Variants in TM9SF2 observed in about 807,000 individuals in gnomAD.
TM9SF2 encodes 76 kDa membrane protein.
TM9SF2 carries 13 observed loss-of-function variants against 84.9 expected under a neutral mutation model. The observed-to-expected ratio is 0.15, with a 90% CI of 0.10 to 0.24. The LOEUF is 0.24. Among genes scored for constraint, TM9SF2 ranks in the 10% least tolerant of loss-of-function variants. The pLI is 1.00. For missense variants in TM9SF2, 562 were observed against 818.5 expected, an observed-to-expected ratio of 0.69 and a Z score of 3.82; for synonymous variants, 273 against 285.8, an observed-to-expected ratio of 0.96 and a Z score of 0.45.
intron 5 of TM9SF2, among the ~76,000 whole-genome samples, chr13:99,537,407 G>A (rs1482982534): frequency 2.0e-5 from 3 of 152,088 alleles, no homozygotes; most frequent in African/African-American, 4.8e-5. Context: ...CAGGAAAAGT[G>A]TTTAAATGTA....
rs557574535 is a variant in TM9SF2 at position 99,530,921 on chromosome 13, C to T, written c.461+1327C>T. 1.2e-4 allele frequency among the ~76,000 whole-genome samples: 18 copies of T among 151,120 alleles called. No homozygotes were observed. In the South Asian group the frequency reaches 1.9e-3, roughly 16 times the overall value. ...TGTTCCCCAGACTGGAGTGCTGTGG[C>T]GTGATCTCGGCTCACTGCAACCTCC... On this transcript the variant is annotated intron_variant, in intron 4 of 16. Transcript: ENST00000376387.
chr13:99,514,156 T>A (rs915289744), intron 1 of TM9SF2: 1 of 152,210 alleles, frequency 6.6e-6, no homozygotes, highest in African/African-American at 2.4e-5. Context: ...TCATAGCCAT[T>A]GTAACATCAC....
At chr13:99,540,536 T>A (rs111630514) in intron 7 of TM9SF2, 178 bp from the exon 8 acceptor site, 12 of 386,566 alleles carry the variant, frequency 3.1e-5, no homozygotes, top group African/African-American at 1.4e-4. Context: ...TTACTCTGAT[T>A]TCCCCTAGAC....
intron 3 of TM9SF2, among the ~76,000 whole-genome samples, chr13:99,522,009 C>T (rs571016233): frequency 6.6e-6 from 1 of 152,186 alleles, no homozygotes; most frequent in South Asian, 2.1e-4. Context: ...CGCCGTCTGA[C>T]GCCTTTCAAA....
Position 99,541,550 on chromosome 13 carries a change from T to C in TM9SF2, c.909-9T>C, listed in dbSNP as rs369530244. On this transcript the variant is annotated splice_polypyrimidine_tract_variant and intron_variant, in intron 8 of 16. Transcript: ENST00000376387. ...CTACAGATTACTCATGATGTGCTTA[T>C]TTCTACAGCATTATGAATTCCCTGG... 7 of 1,597,738 alleles carry C rather than the reference T, an allele frequency of 4.4e-6. No individual in the cohort carries two copies. In the African/African-American group the frequency reaches 9.4e-5, roughly 21 times the overall value.
At chr13:99,519,183 A>C (rs886521779) in intron 2 of TM9SF2, among the ~76,000 whole-genome samples, 5 of 152,150 alleles carry the variant, frequency 3.3e-5, no homozygotes, top group Non-Finnish European at 7.4e-5. Context: ...TGGATACTTA[A>C]ATTTTTTTCC....
intron 4 of TM9SF2, among the ~76,000 whole-genome samples, chr13:99,532,314 T>G (rs571310697): frequency 3.9e-5 from 6 of 152,178 alleles, no homozygotes; most frequent in African/African-American, 1.4e-4. Context: ...CCTCCCAAAG[T>G]GCTGGGATTA....
At chr13:99,549,454 T>C (rs2046296840) in intron 12 of TM9SF2, among the ~76,000 whole-genome samples, 1 of 152,228 alleles carries the variant, frequency 6.6e-6, no homozygotes, top group Non-Finnish European at 1.5e-5. Flanking sequence ...ATTCCTTCTC[T>C]TCAAAGTCTT....
chr13:99,537,640 C>A, intron 5 of TM9SF2, 99 bp from the exon 6 acceptor site: 1 of 977,518 alleles, frequency 1.0e-6, no homozygotes, highest in Non-Finnish European at 1.5e-6. Flanking sequence ...TCCATTCAAA[C>A]TTAAATTTTC....
At chr13:99,529,615 A>G (rs1470693732) in intron 4 of TM9SF2, 21 bp downstream of exon 4, 1 of 1,522,114 alleles carries the variant, frequency 6.6e-7, no homozygotes, top group Non-Finnish European at 8.8e-7. Context: ...AATATTTTCG[A>G]TTTTGGGGTT....
intron 15 of TM9SF2, among the ~76,000 whole-genome samples, chr13:99,556,916 A>G (rs1480022867): frequency 6.6e-6 from 1 of 152,102 alleles, no homozygotes; most frequent in Non-Finnish European, 1.5e-5. Flanking sequence ...AGAATGATAA[A>G]TTTGTTTATC....
In TM9SF2 at chr13:99,559,355, C is replaced by G; in HGVS notation, c.1753-8C>G. 6.4e-7 allele frequency: 1 copy of G among 1,564,838 alleles called. No individual in the cohort carries two copies. Among genetic ancestry groups the G allele is most frequent in the Non-Finnish European group, 8.6e-7 (1 of 1,157,268 alleles). Reference sequence around the variant, plus strand: ...TGTAATTCTTGTTCTTTTTTCTTTACTACCTAGGATTATCATTGGCAATGG... The same window carrying G: ...TGTAATTCTTGTTCTTTTTTCTTTAGTACCTAGGATTATCATTGGCAATGG... On this transcript the variant is annotated splice_region_variant and splice_polypyrimidine_tract_variant and intron_variant, in intron 15 of 16. Transcript: ENST00000376387.
chr13:99,561,809 T>C (rs1444791070), intron 16 of TM9SF2, among the ~76,000 whole-genome samples: 1 of 152,230 alleles, frequency 6.6e-6, no homozygotes, highest in Non-Finnish European at 1.5e-5. Context: ...CAAGGAGTAC[T>C]ATGCTTGAAG....
At chr13:99,558,550 G>T (rs2046332996) in intron 15 of TM9SF2, among the ~76,000 whole-genome samples, 1 of 152,080 alleles carries the variant, frequency 6.6e-6, no homozygotes, top group African/African-American at 2.4e-5. Flanking sequence ...CACTTCCTTG[G>T]TTGAATTTAT....
Position 99,552,221 on chromosome 13 carries a change from T to G in TM9SF2, c.1383T>G (p.Ser461=). The G allele has an allele frequency of 6.2e-7, 1 of 1,614,186 alleles. No individual in the cohort carries two copies. The highest frequency in any genetic ancestry group is 8.5e-7 in the Non-Finnish European group (1 of 1,180,008). ...ATCTGATCCTCTGGGGAGAAGGATC[T>G]TCAGCAGCTATTCCTTTTGGGACAC... ...IMNLILWGEG[S]SAAIPFGTLV... The change falls in exon 13 of 17, where the codon TCT becomes TCG. Residue 461 remains serine, a synonymous_variant. Coordinates refer to ENST00000376387, the MANE Select transcript of TM9SF2 (RefSeq NM_004800.3).
intron 4 of TM9SF2, among the ~76,000 whole-genome samples, chr13:99,533,917 C>T (rs2046222347): frequency 6.6e-6 from 1 of 152,326 alleles, no homozygotes; most frequent in East Asian, 1.9e-4. Context: ...GATCTACCCA[C>T]CTTGGCCTCC....
At chr13:99,551,277 G>T (rs989417862) in intron 12 of TM9SF2, among the ~76,000 whole-genome samples, 1 of 152,238 alleles carries the variant, frequency 6.6e-6, no homozygotes, top group Non-Finnish European at 1.5e-5. Context: ...TTGTGAAGGT[G>T]TTTGGAAAGT....
chr13:99,509,815 G>A (rs550711190), intron 1 of TM9SF2, among the ~76,000 whole-genome samples: 2 of 152,282 alleles, frequency 1.3e-5, no homozygotes, highest in East Asian at 1.9e-4. Context: ...TGTAGCATGC[G>A]GTTGCCCCAC....
At chr13:99,546,201 AGGGGAAACAATAGGG>A (rs1260329921) in intron 10 of TM9SF2, among the ~76,000 whole-genome samples, 1 of 152,130 alleles carries the variant, frequency 6.6e-6, no homozygotes, top group African/African-American at 2.4e-5. Flanking sequence ...TGCACGTTTT[AGGGGAAACAATAGGG>A]GGGGAAACAA....
Sources: allele counts gnomAD v4.1 joint callset (sites outside exome capture counted in the v4.1 genomes callset), GRCh38; gene constraint gnomAD v4.1.1; transcripts MANE v1.5; gene names NCBI Gene and HGNC (gene_info 2026-07-23, HGNC 2026-07-21).